The following ATP2B2 variants were observed in gnomAD, a reference collection of about 807,000 sequenced individuals.
The protein encoded by ATP2B2 is ATPase plasma membrane Ca2+ transporting 2.
In ATP2B2, 15 loss-of-function variants were observed where a neutral mutation model predicts 120.0. The observed-to-expected ratio is 0.12, with a 90% CI of 0.08 to 0.19. ATP2B2 has a LOEUF of 0.19. Ranked by LOEUF, ATP2B2 falls within the 10% of genes least tolerant of loss-of-function variation. The probability of loss-of-function intolerance (pLI) is 1.00; values close to 1 mark genes in which losing one functional copy is unlikely to be tolerated. For synonymous variants in ATP2B2, 694 were observed against 700.3 expected (o/e 0.99, Z 0.14); for missense variants, 1,045 against 1,719.8 (o/e 0.61, Z 6.94).
At chr3:10,619,454 G>A (rs1011115378) in intron 2 of ATP2B2, among the ~76,000 whole-genome samples, 3 of 152,206 alleles carry the variant, frequency 2.0e-5, no homozygotes, top group East Asian at 1.9e-4. Context: ...ATCTGATGGC[G>A]TTAAAAGATA....
Position 10,446,368 on chromosome 3 carries a change from G to A in ATP2B2, c.199+2977C>T, listed in dbSNP as rs181029800. ...ATTCACAGCCTATTTTATTGATGGGGAAATGGAGGTGTTTAGTTGCTGGGG... is the reference window on the plus strand; with the variant it reads ...ATTCACAGCCTATTTTATTGATGGGAAAATGGAGGTGTTTAGTTGCTGGGG... On this transcript the variant is annotated intron_variant, in intron 2 of 22. Coordinates refer to ENST00000360273, the MANE Select transcript of ATP2B2 (RefSeq NM_001001331.4). 3.5e-4 allele frequency among the ~76,000 whole-genome samples: 53 copies of A among 152,270 alleles called. No individual in the cohort carries two copies. The East Asian group carries it at 9.9e-3, about 28-fold the overall frequency.
At chr3:10,512,195 G>C (rs1443914807) in intron 3 of ATP2B2, among the ~76,000 whole-genome samples, 1 of 152,140 alleles carries the variant, frequency 6.6e-6, no homozygotes, top group East Asian at 1.9e-4. Flanking sequence ...TGATCTCTCT[G>C]TCGTCTTCCT....
At chr3:10,574,924 G>A (rs1176224855) in intron 2 of ATP2B2, among the ~76,000 whole-genome samples, 1 of 152,176 alleles carries the variant, frequency 6.6e-6, no homozygotes, top group African/African-American at 2.4e-5. Flanking sequence ...CTTGCAGGGA[G>A]TGTGGTGGGA....
At chr3:10,456,927 A>G (rs1179373584) in intron 1 of ATP2B2, among the ~76,000 whole-genome samples, 1 of 152,212 alleles carries the variant, frequency 6.6e-6, no homozygotes. Flanking sequence ...CTCAGCCTGC[A>G]GTTGGGGGTG....
intron 2 of ATP2B2, among the ~76,000 whole-genome samples, chr3:10,419,608 G>A (rs971378131): frequency 2.6e-5 from 4 of 152,166 alleles, no homozygotes; most frequent in African/African-American, 9.7e-5. Flanking sequence ...CAGCCTCTCC[G>A]AGGGGCCTTG....
chr3:10,549,696 T>C (rs1344008683), intron 2 of ATP2B2, among the ~76,000 whole-genome samples: 2 of 151,916 alleles, frequency 1.3e-5, no homozygotes, highest in Non-Finnish European at 2.9e-5. Context: ...TTTTCTGTTT[T>C]CTTTCTTTTT....
intron 16 of ATP2B2, among the ~76,000 whole-genome samples, chr3:10,348,337 A>G (rs1574974117): frequency 6.6e-6 from 1 of 152,204 alleles, no homozygotes; most frequent in Non-Finnish European, 1.5e-5. Context: ...AAGCAGGACA[A>G]TCCTACAGGT....
intron 2 of ATP2B2, among the ~76,000 whole-genome samples, chr3:10,440,504 T>G (rs756466408): frequency 1.4e-4 from 21 of 152,340 alleles, no homozygotes; most frequent in Admixed American, 5.9e-4. Context: ...TGCGATCTGT[T>G]CTAGGCTCCA....
chr3:10,444,982 C>T (rs2063789167), intron 2 of ATP2B2, among the ~76,000 whole-genome samples: 1 of 152,240 alleles, frequency 6.6e-6, no homozygotes, highest in Non-Finnish European at 1.5e-5. Context: ...GAGCTCCTGC[C>T]TCTAGGCCTC....
chr3:10,626,199 C>T (rs1215155395), intron 1 of ATP2B2: 2 of 152,216 alleles, frequency 1.3e-5, no homozygotes, highest in Non-Finnish European at 2.9e-5. Flanking sequence ...CACTGAGTCC[C>T]AGAAGAGAGA....
At chr3:10,332,975 G>C (rs763391986) in intron 22 of ATP2B2, among the ~76,000 whole-genome samples, 16 of 152,190 alleles carry the variant, frequency 1.1e-4, no homozygotes, top group Non-Finnish European at 2.1e-4. Flanking sequence ...TCAGAAGAGT[G>C]CACCAATTCA....
intron 3 of ATP2B2, among the ~76,000 whole-genome samples, chr3:10,524,995 G>A (rs936006495): frequency 1.5e-4 from 23 of 152,164 alleles, no homozygotes; most frequent in African/African-American, 5.3e-4. Context: ...TACCTGCATC[G>A]AGACTGGCAG....
At chr3:10,631,510 A>G (rs2069865055) in intron 1 of ATP2B2, among the ~76,000 whole-genome samples, 1 of 152,234 alleles carries the variant, frequency 6.6e-6, no homozygotes, top group Non-Finnish European at 1.5e-5. Context: ...AGCCTGTGCT[A>G]TTAATCAAGC....
intron 2 of ATP2B2, among the ~76,000 whole-genome samples, chr3:10,551,672 C>G (rs1288997265): frequency 1.3e-5 from 2 of 152,232 alleles, no homozygotes; most frequent in Non-Finnish European, 1.5e-5. Flanking sequence ...CAATTGCTCA[C>G]AATTATGTTT....
rs191580487 is a variant in ATP2B2, at chr3:10,592,502, A to G, written c.-415+27415T>C. ...AAAAGTTCCAGGCATGCAAAGGCCC[A>G]GAATGTCCTTCTTATTTCCCCTTGA... is the stretch of plus-strand genomic sequence containing the variant. On this transcript the variant is annotated intron_variant, in intron 2 of 21. Transcript: ENST00000646379. Among the ~76,000 whole-genome samples, 18 of 152,366 alleles carry G rather than the reference A, an allele frequency of 1.2e-4. No individual in the cohort carries two copies. The East Asian group carries it at 3.5e-3, about 29-fold the overall frequency.
chr3:10,415,606 C>G (rs1254065141), intron 2 of ATP2B2, among the ~76,000 whole-genome samples: 1 of 152,178 alleles, frequency 6.6e-6, no homozygotes, highest in Non-Finnish European at 1.5e-5. Flanking sequence ...CATGCCCTTC[C>G]CAGGAGCTGA....
Position 10,382,301 on chromosome 3 carries a change from G to A in ATP2B2, c.1000+2967C>T, listed in dbSNP as rs142743330. On this transcript the variant is annotated intron_variant, in intron 8 of 22. Coordinates refer to ENST00000360273, the MANE Select transcript of ATP2B2 (RefSeq NM_001001331.4). ...TTCTCCTGCTTCGGCCTCCCAAAGT[G>A]TTGGGATTATAGGCATGAAGCACTG... Among the ~76,000 whole-genome samples the A allele has an allele frequency of 6.1e-3, 870 of 142,488 alleles. 5 individuals carry two copies. The highest frequency in any genetic ancestry group is 0.022 in the African/African-American group (830 of 37,342). 93.5% of individuals were successfully genotyped at this position (142,488 alleles called of 152,430 possible).
chr3:10,428,290 G>T (rs992519642), intron 2 of ATP2B2, among the ~76,000 whole-genome samples: 2 of 152,226 alleles, frequency 1.3e-5, no homozygotes, highest in African/African-American at 2.4e-5. Context: ...GTGGTAGAAG[G>T]GTGAGCCACA....
At chr3:10,642,722 C>T (rs938711075) in intron 1 of ATP2B2, among the ~76,000 whole-genome samples, 2 of 151,848 alleles carry the variant, frequency 1.3e-5, no homozygotes, top group South Asian at 2.1e-4. Flanking sequence ...AAACAATGCC[C>T]GTGGATAATC....
Sources: gnomAD v4.1 joint callset for allele counts (sites outside exome capture counted in the v4.1 genomes callset) on GRCh38, gnomAD v4.1.1 for gene constraint, MANE v1.5 for transcripts, NCBI Gene and HGNC (gene_info 2026-07-23, HGNC 2026-07-21) for gene names.